NDUFS4: variants seen among roughly 807,000 people sequenced by gnomAD.
NDUFS4 encodes NADH dehydrogenase [ubiquinone] iron-sulfur protein 4, mitochondrial.
NDUFS4 carries 28 observed loss-of-function variants against 24.3 expected under a neutral mutation model. The ratio of observed to expected loss-of-function variants is 1.15; its 90% confidence interval spans 0.85 to 1.58. The LOEUF is 1.58. Ranked by LOEUF, NDUFS4 falls within the 40% of genes most tolerant of loss-of-function variation. The pLI is 0.00. For missense variants in NDUFS4, 223 were observed against 207.9 expected, an observed-to-expected ratio of 1.07 and a Z score of -0.45; for synonymous variants, 93 against 69.7, an observed-to-expected ratio of 1.34 and a Z score of -1.67.
chr5:53,614,314 T>C (rs1750782650), intron 2 of NDUFS4, among the ~76,000 whole-genome samples: 1 of 151,956 alleles, frequency 6.6e-6, no homozygotes, highest in South Asian at 2.1e-4. Flanking sequence ...TGTGTAAAAC[T>C]TACATGTACT....
intron 4 of NDUFS4, among the ~76,000 whole-genome samples, chr5:53,661,761 A>T (rs984878633): frequency 4.1e-4 from 61 of 149,486 alleles, no homozygotes; most frequent in African/African-American, 1.3e-3. Context: ...ATTCTCTTTG[A>T]AGCAATTGTG....
intron 2 of NDUFS4, among the ~76,000 whole-genome samples, chr5:53,616,232 C>T (rs941417433): frequency 7.4e-5 from 11 of 148,486 alleles, no homozygotes; most frequent in African/African-American, 2.7e-4. Context: ...TTTTTTTTAG[C>T]ATATTCTAGG....
Position 53,679,658 on chromosome 5 carries a change from T to C in NDUFS4, c.425-3460T>C, listed in dbSNP as rs898428200. Among the ~76,000 whole-genome samples, 2 of 152,178 alleles carry C rather than the reference T, an allele frequency of 1.3e-5. 1 individual carries two copies. Among genetic ancestry groups the C allele is most frequent in the Non-Finnish European group, 2.9e-5 (2 of 68,028 alleles). On this transcript the variant is annotated intron_variant, in intron 4 of 4. Transcript: ENST00000296684. ...TTCTACCTGGCGGCTGAAAGGGTAA[T>C]TGAGTGAATGAGAGAGTGATTATCA...
chr5:53,635,149 C>T (rs1357385730), intron 2 of NDUFS4, among the ~76,000 whole-genome samples: 1 of 151,854 alleles, frequency 6.6e-6, no homozygotes, highest in East Asian at 1.9e-4. Flanking sequence ...GAGATCACGC[C>T]ATTGCACTCC....
intron 3 of NDUFS4, 125 bp downstream of exon 3, chr5:53,646,530 A>G (rs1252318297): frequency 6.2e-6 from 6 of 960,258 alleles, no homozygotes; most frequent in Non-Finnish European, 8.2e-6. Context: ...TGACGCTGTT[A>G]AGTACCACTG....
At chr5:53,678,276 C>G (rs994139205) in intron 4 of NDUFS4, among the ~76,000 whole-genome samples, 4 of 152,206 alleles carry the variant, frequency 2.6e-5, no homozygotes, top group Non-Finnish European at 4.4e-5. Flanking sequence ...AGGTACTTCT[C>G]TGATACTAGG....
rs938284600 is a variant in NDUFS4 at position 53,670,867 on chromosome 5, C to A, written c.424+12243C>A. 7.3e-5 allele frequency among the ~76,000 whole-genome samples: 11 copies of A among 151,110 alleles called. No homozygotes were observed. The South Asian group carries it at 2.1e-3, about 29-fold the overall frequency. ...GAGATACTATAGTGTCCCTATAGTA[C>A]CTCTAGAGTATAGTATAGAGATACT... On this transcript the variant is annotated intron_variant, in intron 4 of 4. Coordinates refer to ENST00000296684, the MANE Select transcript of NDUFS4 (RefSeq NM_002495.4).
intron 1 of NDUFS4, among the ~76,000 whole-genome samples, chr5:53,576,162 G>A (rs888664917): frequency 6.6e-5 from 10 of 152,244 alleles, no homozygotes; most frequent in African/African-American, 2.4e-4. Context: ...TATAAAATCA[G>A]AGTGGGGGAT....
At chr5:53,586,098 G>A (rs1411184662) in intron 1 of NDUFS4, among the ~76,000 whole-genome samples, 2 of 151,934 alleles carry the variant, frequency 1.3e-5, no homozygotes, top group Non-Finnish European at 2.9e-5. Flanking sequence ...GGAGGCCGAG[G>A]CAGGTGGATC....
chr5:53,621,990 G>T (rs1751054027), intron 2 of NDUFS4, among the ~76,000 whole-genome samples: 1 of 151,952 alleles, frequency 6.6e-6, no homozygotes, highest in South Asian at 2.1e-4. Context: ...GTGAGCCACC[G>T]CGCCCGGCCG....
intron 2 of NDUFS4, among the ~76,000 whole-genome samples, chr5:53,630,418 G>A (rs1225730471): frequency 6.6e-6 from 1 of 150,816 alleles, no homozygotes; most frequent in Non-Finnish European, 1.5e-5. Flanking sequence ...CAACTTGAAT[G>A]TTGGCCTGCC....
At chr5:53,583,035 G>A (rs978806212) in intron 1 of NDUFS4, among the ~76,000 whole-genome samples, 2 of 151,982 alleles carry the variant, frequency 1.3e-5, no homozygotes, top group East Asian at 1.9e-4. Context: ...CCGCCACCAC[G>A]CCTGGCTAAT....
intron 1 of NDUFS4, among the ~76,000 whole-genome samples, chr5:53,584,100 A>C (rs1300090607): frequency 6.6e-6 from 1 of 152,182 alleles, no homozygotes; most frequent in Non-Finnish European, 1.5e-5. Context: ...TTATTTCTCC[A>C]TGCATAGAAA....
At chr5:53,605,657 C>T (rs1750474938) in intron 2 of NDUFS4, among the ~76,000 whole-genome samples, 1 of 152,088 alleles carries the variant, frequency 6.6e-6, no homozygotes, top group Admixed American at 6.5e-5. Context: ...TCTAGGACTC[C>T]CCTCAAGTAC....
At chr5:53,561,102 A>G (rs1172146362) in intron 1 of NDUFS4, among the ~76,000 whole-genome samples, 1 of 151,836 alleles carries the variant, frequency 6.6e-6, no homozygotes, top group Non-Finnish European at 1.5e-5. Flanking sequence ...TTCTGTTTCC[A>G]CTTTCTGCAT....
chr5:53,669,950 T>C (rs1166899477), intron 4 of NDUFS4, among the ~76,000 whole-genome samples: 1 of 152,126 alleles, frequency 6.6e-6, no homozygotes, highest in African/African-American at 2.4e-5. Flanking sequence ...ATTAGAAACC[T>C]GAAGAAAGAA....
chr5:53,601,792 A>T (rs1750333356), intron 1 of NDUFS4, among the ~76,000 whole-genome samples: 1 of 152,186 alleles, frequency 6.6e-6, no homozygotes, highest in Non-Finnish European at 1.5e-5. Context: ...TCCAGGTTGT[A>T]TAGGATACCT....
intron 2 of NDUFS4, among the ~76,000 whole-genome samples, chr5:53,643,343 A>G (rs1005642440): frequency 1.3e-5 from 2 of 152,164 alleles, no homozygotes; most frequent in Non-Finnish European, 2.9e-5. Context: ...GGTGATCCAT[A>G]TTGCCATACA....
intron 1 of NDUFS4, among the ~76,000 whole-genome samples, chr5:53,584,469 C>T (rs1749675756): frequency 6.6e-6 from 1 of 151,818 alleles, no homozygotes; most frequent in South Asian, 2.1e-4. Flanking sequence ...GATTCTTCTG[C>T]CTCAGCCTCC....
Sources: gnomAD v4.1 joint callset for allele counts (sites outside exome capture counted in the v4.1 genomes callset) on GRCh38, gnomAD v4.1.1 for gene constraint, MANE v1.5 for transcripts, NCBI Gene and HGNC (gene_info 2026-07-23, HGNC 2026-07-21) for gene names.